Variants in RUSC2 observed in about 807,000 individuals in gnomAD.
The protein encoded by RUSC2 is RUN and SH3 domain containing 2, also known as AP-4 complex accessory subunit RUSC2.
In RUSC2, 34 loss-of-function variants were observed where a neutral mutation model predicts 122.2. The observed-to-expected ratio is 0.28, with a 90% CI of 0.21 to 0.37. RUSC2 has a LOEUF of 0.37. Ranked by LOEUF, RUSC2 falls within the 10% of genes least tolerant of loss-of-function variation. The pLI is 1.00. For missense variants in RUSC2, 1,747 were observed against 1,952.4 expected, an observed-to-expected ratio of 0.89 and a Z score of 1.98; for synonymous variants, 784 against 790.0, an observed-to-expected ratio of 0.99 and a Z score of 0.13.
At position 35,546,752 on chromosome 9, in the gene RUSC2, T is replaced by C. The variant is rs1048647344; in HGVS notation, c.231T>C (p.Thr77=). The C allele has an allele frequency of 6.3e-7, 1 of 1,586,744 alleles. No individual in the cohort carries two copies. Among genetic ancestry groups the C allele is most frequent in the African/African-American group, 1.3e-5 (1 of 74,310 alleles). Residue 77 remains threonine (T), a synonymous_variant, in exon 2 of 12, where the codon ACT becomes ACC. Coordinates refer to ENST00000361226, the MANE Select transcript of RUSC2 (RefSeq NM_014806.5). The surrounding 1 kb of genome is among the most constrained non-coding windows in gnomAD (Gnocchi z 4.3). Reference sequence around the variant, plus strand: ...GCCTGCACTCTACTCCAGGAGGAACTGCACGGTCTATAGACAGCACCAAGA... The same window carrying C: ...GCCTGCACTCTACTCCAGGAGGAACCGCACGGTCTATAGACAGCACCAAGA... ...FSSLHSTPGG[T]ARSIDSTKSR... is the part of the protein sequence containing the mutation.
In RUSC2 at chr9:35,548,933, G is replaced by A; in HGVS notation, c.2014+398G>A. 1.8e-6 allele frequency: 1 copy of A among 544,100 alleles called. No individual in the cohort carries two copies. The highest frequency in any genetic ancestry group is 2.3e-6 in the Non-Finnish European group (1 of 426,782). 33.7% of individuals were successfully genotyped at this position (544,100 alleles called of 1,614,324 possible). ...TGTAATCCCAGCTACTCAGGGGGCT[G>A]AGGCAGGAGAATTGCTTGAACCCAG... On this transcript the variant is annotated intron_variant, in intron 2 of 11. Coordinates refer to ENST00000361226, the MANE Select transcript of RUSC2 (RefSeq NM_014806.5). The surrounding 1 kb of genome is among the most constrained non-coding windows in gnomAD (Gnocchi z 4.5).
In RUSC2 at chr9:35,558,102, A is replaced by G; in HGVS notation, c.3061-95A>G. ...AGAGCCCAGGGTTGGGTACTTAGGA[A>G]TGGGGACGGCAAGAGGGGAACCATG... On this transcript the variant is annotated intron_variant, in intron 6 of 11. Transcript: ENST00000361226. This position sits in a 1 kb window ranked among gnomAD's most constrained non-coding sequence, Gnocchi z 4.3. 6.3e-7 allele frequency: 1 copy of G among 1,586,216 alleles called. No homozygotes were observed. The highest frequency in any genetic ancestry group is 8.6e-7 in the Non-Finnish European group (1 of 1,158,786).
At chr9:35,543,064 T>G (rs369168670) in intron 1 of RUSC2, among the ~76,000 whole-genome samples, 2 of 152,136 alleles carry the variant, frequency 1.3e-5, no homozygotes, top group African/African-American at 4.8e-5. Context: ...TAGTCCAGAC[T>G]CGGGATTATG....
In RUSC2 at chr9:35,548,208, C is replaced by A. The variant is rs761344885; in HGVS notation, c.1687C>A (p.Arg563Ser). ...KTGGSGSPPL[R>S]VSVGDSSQEF... ...TGGAGGCTCTGGCTCGCCCCCACTT[C>A]GTGTGAGTGTTGGGGACTCCTCCCA... The change falls in exon 2 of 12, where the codon CGT (arginine) becomes AGT (serine). Residue 563 changes from arginine to serine, a missense_variant. Physicochemically the swap from Arg to Ser is moderately radical, Grantham distance 110. Coordinates refer to ENST00000361226, the MANE Select transcript of RUSC2 (RefSeq NM_014806.5). The surrounding 1 kb of genome is among the most constrained non-coding windows in gnomAD (Gnocchi z 4.5). 1 of 1,613,276 alleles carries A rather than the reference C, an allele frequency of 6.2e-7. No homozygotes were observed. The highest frequency in any genetic ancestry group is 1.1e-5 in the South Asian group (1 of 91,080).
In RUSC2 at chr9:35,546,632, TG is replaced by T; in HGVS notation, c.114del (p.Ser39AlafsTer21). On this transcript the variant is annotated frameshift_variant, in exon 2 of 12. Coordinates refer to ENST00000361226, the MANE Select transcript of RUSC2 (RefSeq NM_014806.5). LOFTEE classifies it high-confidence loss of function. The surrounding 1 kb of genome is among the most constrained non-coding windows in gnomAD (Gnocchi z 4.3). ...QCCGGAGGGG[G>X]STRPNPFCPP... ...GCTGTGGAGGGGCAGGTGGAGGTGG[TG>T]GGAGCACAAGACCTAATCCCTTCTG... is the stretch of plus-strand genomic sequence containing the variant. 1 of 1,564,064 alleles carries T rather than the reference TG, an allele frequency of 6.4e-7. No individual in the cohort carries two copies. Among genetic ancestry groups the T allele is most frequent in the Non-Finnish European group, 8.7e-7 (1 of 1,155,874 alleles).
intron 1 of RUSC2, among the ~76,000 whole-genome samples, chr9:35,502,337 A>C (rs1444633153): frequency 6.6e-6 from 1 of 152,164 alleles, no homozygotes; most frequent in African/African-American, 2.4e-5. Context: ...AAAAATTGAA[A>C]GTCAAATAGT....
In RUSC2 at chr9:35,555,985, G is replaced by A. The variant is rs1473612690; in HGVS notation, c.2690G>A (p.Arg897Gln). 8.7e-6 allele frequency: 14 copies of A among 1,614,156 alleles called. No individual in the cohort carries two copies. The highest frequency in any genetic ancestry group is 3.3e-5 in the South Asian group (3 of 91,084). Residue 897 changes from arginine to glutamine, a missense_variant, in exon 4 of 12, where the codon CGG becomes CAG. Physicochemically the swap from Arg to Gln is conservative, Grantham distance 43. Coordinates refer to ENST00000361226, the MANE Select transcript of RUSC2 (RefSeq NM_014806.5). This position sits in a 1 kb window ranked among gnomAD's most constrained non-coding sequence, Gnocchi z 4.6. ...NHLSPQALKW[R>Q]EYRRKNPLGP... is the part of the protein sequence containing the mutation. ...CTATCCCCTCAAGCCCTCAAGTGGC[G>A]GGAATACAGGAGGAAGAACCCACTA...
At chr9:35,503,064 G>C (rs1820846308) in intron 1 of RUSC2, among the ~76,000 whole-genome samples, 1 of 152,062 alleles carries the variant, frequency 6.6e-6, no homozygotes, top group Non-Finnish European at 1.5e-5. Flanking sequence ...GTTTCATCAT[G>C]TTGGCCAGGC....
intron 1 of RUSC2, among the ~76,000 whole-genome samples, chr9:35,492,321 AACTC>A (rs1288091508): frequency 1.3e-5 from 2 of 152,096 alleles, no homozygotes; most frequent in Non-Finnish European, 2.9e-5. Flanking sequence ...TTAGGATAAT[AACTC>A]ACCCTTTTCT....
At chr9:35,518,265 G>C (rs1821146845) in intron 1 of RUSC2, among the ~76,000 whole-genome samples, 1 of 152,166 alleles carries the variant, frequency 6.6e-6, no homozygotes, top group African/African-American at 2.4e-5. Flanking sequence ...CACTGATGAT[G>C]ACCTAGGATT....
chr9:35,512,815 C>T (rs1821032645), intron 1 of RUSC2, among the ~76,000 whole-genome samples: 1 of 152,114 alleles, frequency 6.6e-6, no homozygotes, highest in South Asian at 2.1e-4. Flanking sequence ...AAACTCAGCT[C>T]AGCCACTCCC....
Position 35,547,283 on chromosome 9 carries a change from C to A in RUSC2, c.762C>A (p.Ser254Arg), listed in dbSNP as rs1282342530. The A allele has an allele frequency of 6.2e-7, 1 of 1,614,212 alleles. No homozygotes were observed. Among genetic ancestry groups the A allele is most frequent in the Admixed American group, 1.7e-5 (1 of 60,020 alleles). The part of the protein sequence containing the change: ...GSGDQHCRCS[S>R]TSSQSEAADQ... The stretch of plus-strand genomic sequence containing the variant: ...GGGACCAGCACTGCCGCTGCAGTAG[C>A]ACATCCAGTCAGTCCGAGGCAGCTG... Residue 254 changes from serine (S) to arginine (R), a missense_variant, in exon 2 of 12, where the codon AGC (serine) becomes AGA (arginine). Ser to Arg is a moderately radical substitution (Grantham distance 110, BLOSUM62 -1). Coordinates refer to ENST00000361226, the MANE Select transcript of RUSC2 (RefSeq NM_014806.5). The surrounding 1 kb of genome is among the most constrained non-coding windows in gnomAD (Gnocchi z 4.6).
At chr9:35,497,066 T>G (rs1820731606) in intron 1 of RUSC2, among the ~76,000 whole-genome samples, 1 of 152,202 alleles carries the variant, frequency 6.6e-6, no homozygotes, top group South Asian at 2.1e-4. Flanking sequence ...TACTTGAGCA[T>G]CCAACCCATG....
intron 1 of RUSC2, among the ~76,000 whole-genome samples, chr9:35,504,822 C>T (rs1820882437): frequency 6.6e-6 from 1 of 152,102 alleles, no homozygotes; most frequent in South Asian, 2.1e-4. Flanking sequence ...CATGATTCCA[C>T]TTGTATTAGT....
intron 1 of RUSC2, among the ~76,000 whole-genome samples, chr9:35,527,511 G>A (rs531261786): frequency 4.6e-5 from 7 of 152,068 alleles, no homozygotes; most frequent in East Asian, 1.9e-4. Flanking sequence ...AACATATTTC[G>A]TTCTTTTTCA....
intron 1 of RUSC2, among the ~76,000 whole-genome samples, chr9:35,513,914 ATATATATATATATATATATATATATT>A (rs1454554404): frequency 7.1e-6 from 1 of 141,506 alleles, no homozygotes; most frequent in Non-Finnish European, 1.5e-5. Context: ...ATATATATAT[ATATATATATATATATATATATATATT>A]ACTTTATGTG....
intron 1 of RUSC2, among the ~76,000 whole-genome samples, chr9:35,544,907 A>G (rs183353205): frequency 2.6e-5 from 4 of 152,110 alleles, no homozygotes; most frequent in African/African-American, 9.7e-5. Context: ...GACTCTCTTA[A>G]TATCTGCCCT....
In RUSC2 at chr9:35,555,351, C is replaced by G; in HGVS notation, c.2306C>G (p.Pro769Arg). 1.9e-6 allele frequency: 3 copies of G among 1,614,252 alleles called. No individual in the cohort carries two copies. The highest frequency in any genetic ancestry group is 2.5e-6 in the Non-Finnish European group (3 of 1,180,034). ...GGTGCCAGGAAAGCTGGGTCTGAGC[C>G]AGAGACCTCTCGGCCATCGCCCCTG... is the stretch of plus-strand genomic sequence containing the variant. ...GRGARKAGSE[P>R]ETSRPSPLGS... Residue 769 changes from proline to arginine, a missense_variant, in exon 3 of 12, where the codon CCA becomes CGA. Pro to Arg is a moderately radical substitution (Grantham distance 103, BLOSUM62 -2). Coordinates refer to ENST00000361226, the MANE Select transcript of RUSC2 (RefSeq NM_014806.5). The surrounding 1 kb of genome is among the most constrained non-coding windows in gnomAD (Gnocchi z 4.6).
intron 1 of RUSC2, among the ~76,000 whole-genome samples, chr9:35,545,438 A>G (rs746330108): frequency 6.6e-6 from 1 of 152,184 alleles, no homozygotes; most frequent in Non-Finnish European, 1.5e-5. Context: ...CAGCCAAGAG[A>G]CCAGAGAAGC....
Sources: gnomAD v4.1 joint callset for allele counts (sites outside exome capture counted in the v4.1 genomes callset) on GRCh38, gnomAD v4.1.1 for gene constraint, Gnocchi (gnomAD v3.1) non-coding constraint, MANE v1.5 for transcripts, NCBI Gene and HGNC (gene_info 2026-07-23, HGNC 2026-07-21) for gene names.